The following KAT2B variants were observed in gnomAD, a reference collection of about 807,000 sequenced individuals.
The protein encoded by KAT2B is histone acetyltransferase KAT2B.
A neutral mutation model predicts 105.9 loss-of-function variants in KAT2B; 36 were observed. That is an observed-to-expected ratio of 0.34 (90% CI 0.26 to 0.45). The LOEUF (loss-of-function observed/expected upper bound fraction) is 0.45. KAT2B is among the 20% of genes least tolerant of loss of function. The pLI, the probability that KAT2B is intolerant of heterozygous loss-of-function variation, is 1.00. For missense variants in KAT2B, 820 were observed against 1,021.6 expected, an observed-to-expected ratio of 0.80 and a Z score of 2.69; for synonymous variants, 397 against 377.9, an observed-to-expected ratio of 1.05 and a Z score of -0.59.
At chr3:20,047,471 A>T (rs940928276) in intron 1 of KAT2B, among the ~76,000 whole-genome samples, 2 of 152,252 alleles carry the variant, frequency 1.3e-5, no homozygotes, top group South Asian at 2.1e-4. Flanking sequence ...TTATTGCGGT[A>T]TAATTTATAG....
chr3:20,148,194 T>C, intron 15 of KAT2B, 49 bp from the exon 16 acceptor site: 1 of 1,512,506 alleles, frequency 6.6e-7, no homozygotes, highest in South Asian at 1.1e-5. Flanking sequence ...CAGCTGGCAA[T>C]AGGGTAAAAC....
chr3:20,115,032 A>T, intron 7 of KAT2B, 44 bp downstream of exon 7: 1 of 1,203,838 alleles, frequency 8.3e-7, no homozygotes, highest in South Asian at 1.2e-5. Flanking sequence ...CAGGGAGGCC[A>T]ACCTGAAGTG....
chr3:20,127,670 A>G, intron 11 of KAT2B, 121 bp downstream of exon 11: 1 of 932,276 alleles, frequency 1.1e-6, no homozygotes, highest in Non-Finnish European at 1.6e-6. Context: ...GGAGTTAAGG[A>G]CTTTCTGGGA....
intron 11 of KAT2B, among the ~76,000 whole-genome samples, chr3:20,135,603 G>A (rs953936848): frequency 2.0e-5 from 3 of 151,572 alleles, no homozygotes; most frequent in Admixed American, 6.6e-5. Context: ...GCAGTGACCC[G>A]AGATCGTGCC....
chr3:20,103,526 C>T (rs75518055), intron 5 of KAT2B, among the ~76,000 whole-genome samples: 6,564 of 152,184 alleles, frequency 0.043, 193 homozygotes, highest in South Asian at 0.076. Context: ...TCATCTATCT[C>T]AGCCTCCTTA....
rs748391294 is a variant in KAT2B, at chr3:20,111,775, C to T, written c.1031C>T (p.Thr344Ile). 6.2e-7 allele frequency: 1 copy of T among 1,612,364 alleles called. No homozygotes were observed. The highest frequency in any genetic ancestry group is 8.5e-7 in the Non-Finnish European group (1 of 1,179,290). ...LPLEKRTLILTHFPKFLSMLE... is the reference protein window; with the variant it reads ...LPLEKRTLILIHFPKFLSMLE... ...CTTGAAAAACGAACTCTAATCCTCA[C>T]TCATTTCCCAAAGTAAGGGAGAGTT... The change falls in exon 6 of 18, where the codon ACT (threonine) becomes ATT (isoleucine). Residue 344 changes from threonine to isoleucine, a missense_variant. Around this residue, in one of 6 missense-constraint regions of KAT2B, gnomAD observed 173 missense variants for 249.5 expected, o/e 0.69. Transcript: ENST00000263754.
chr3:20,146,136 A>G (rs1699779803), intron 13 of KAT2B, among the ~76,000 whole-genome samples, 180 bp from the exon 14 acceptor site: 2 of 152,236 alleles, frequency 1.3e-5, no homozygotes, highest in East Asian at 3.8e-4. Context: ...ATGTCACTAA[A>G]TAGACATGGT....
intron 11 of KAT2B, among the ~76,000 whole-genome samples, chr3:20,136,518 T>G (rs1166022098): frequency 6.6e-6 from 1 of 152,168 alleles, no homozygotes; most frequent in African/African-American, 2.4e-5. Flanking sequence ...TAGTGAAGAT[T>G]AGCACTTTTC....
intron 3 of KAT2B, among the ~76,000 whole-genome samples, chr3:20,096,106 A>G (rs1698805138): frequency 6.6e-6 from 1 of 152,066 alleles, no homozygotes; most frequent in South Asian, 2.1e-4. Context: ...CCCAGCGAGC[A>G]GAGGGTTGGG....
rs1389848509 is a variant in KAT2B, at chr3:20,107,535, G to C, written c.852-4061G>C. On this transcript the variant is annotated intron_variant, in intron 5 of 17. Transcript: ENST00000263754. ...TAGCCAGGCATGGTGGCGGGCACCT[G>C]TAATCCCAGCTACTTGGGAGGCTGG... 3.3e-5 allele frequency among the ~76,000 whole-genome samples: 5 copies of C among 149,928 alleles called. 1 individual carries two copies. The highest frequency in any genetic ancestry group is 4.3e-4 in the South Asian group (2 of 4,634).
At chr3:20,118,726 C>CAAAAAA (rs202106321) in intron 7 of KAT2B, among the ~76,000 whole-genome samples, 2 of 90,152 alleles carry the variant, frequency 2.2e-5, no homozygotes, top group Non-Finnish European at 4.2e-5. Context: ...AACTTTGTCT[C>CAAAAAA]AAAAAAAAAA....
intron 5 of KAT2B, 108 bp downstream of exon 5, chr3:20,101,576 A>G: frequency 1.3e-6 from 1 of 781,798 alleles, no homozygotes; most frequent in Middle Eastern, 2.4e-4. Flanking sequence ...TTATGACTCC[A>G]TCAATTCAGA....
At chr3:20,099,035 A>G (rs1698860849) in intron 3 of KAT2B, among the ~76,000 whole-genome samples, 1 of 147,138 alleles carries the variant, frequency 6.8e-6, no homozygotes, top group Non-Finnish European at 1.5e-5. Context: ...ACTGACCCAC[A>G]TGTAAAAGTT....
intron 1 of KAT2B, among the ~76,000 whole-genome samples, chr3:20,063,832 C>T (rs930509330): frequency 2.0e-5 from 3 of 151,904 alleles, no homozygotes; most frequent in South Asian, 2.1e-4. Flanking sequence ...TGAGCCACCA[C>T]GCCCGGCCGA....
intron 1 of KAT2B, among the ~76,000 whole-genome samples, chr3:20,044,942 T>C (rs1017038579): frequency 6.6e-6 from 1 of 152,248 alleles, no homozygotes; most frequent in Non-Finnish European, 1.5e-5. Context: ...TAATCACTTC[T>C]TGACAACTAA....
At chr3:20,092,648 G>A (rs767328405) in intron 2 of KAT2B, among the ~76,000 whole-genome samples, 4 of 151,892 alleles carry the variant, frequency 2.6e-5, no homozygotes, top group Non-Finnish European at 5.9e-5. Context: ...TCCTCTTGAT[G>A]AATTGATCCC....
intron 11 of KAT2B, among the ~76,000 whole-genome samples, chr3:20,130,601 T>G (rs972325076): frequency 6.6e-6 from 1 of 152,206 alleles, no homozygotes; most frequent in Non-Finnish European, 1.5e-5. Context: ...TTGGACACTT[T>G]TAGGGATACT....
intron 2 of KAT2B, among the ~76,000 whole-genome samples, chr3:20,083,639 G>A (rs187380448): frequency 4.8e-4 from 73 of 152,326 alleles, no homozygotes; most frequent in African/African-American, 1.7e-3. Flanking sequence ...AGACTACCCT[G>A]GCAGCAGAGA....
At chr3:20,063,509 C>G (rs1698172843) in intron 1 of KAT2B, among the ~76,000 whole-genome samples, 1 of 146,140 alleles carries the variant, frequency 6.8e-6, no homozygotes. Context: ...GCGATCTCAC[C>G]TCACAGCAAC....
Sources: gnomAD v4.1 joint callset for allele counts (sites outside exome capture counted in the v4.1 genomes callset) on GRCh38, gnomAD v4.1.1 for gene constraint, gnomAD v4.1.1 regional missense constraint, MANE v1.5 for transcripts, NCBI Gene and HGNC (gene_info 2026-07-23, HGNC 2026-07-21) for gene names.